PLEKHH1: variants seen among roughly 807,000 people sequenced by gnomAD.
PLEKHH1 encodes pleckstrin homology, MyTH4 and FERM domain containing H1.
PLEKHH1 carries 104 observed loss-of-function variants against 160.0 expected under a neutral mutation model. The observed-to-expected ratio is 0.65, with a 90% CI of 0.55 to 0.76. The LOEUF is 0.76. Ranked by LOEUF, PLEKHH1 falls within the 30% of genes least tolerant of loss-of-function variation. The pLI is 0.00. For synonymous variants in PLEKHH1, 619 were observed against 678.4 expected (o/e 0.91, Z 1.36); for missense variants, 1,427 against 1,724.1 (o/e 0.83, Z 3.05).
intron 3 of PLEKHH1, 81 bp from the exon 4 acceptor site, chr14:67,557,188 G>T: frequency 8.5e-7 from 1 of 1,171,216 alleles, no homozygotes; most frequent in Non-Finnish European, 1.2e-6. Flanking sequence ...GGCATCAGAC[G>T]GTGTCCCATC....
intron 1 of PLEKHH1, among the ~76,000 whole-genome samples, chr14:67,537,746 T>C (rs1305109389): frequency 6.6e-6 from 1 of 152,128 alleles, no homozygotes; most frequent in East Asian, 1.9e-4. Flanking sequence ...AGATCCCAGG[T>C]CAAATTTGTG....
chr14:67,567,065 C>T (rs1390610749), intron 7 of PLEKHH1, among the ~76,000 whole-genome samples: 1 of 152,088 alleles, frequency 6.6e-6, no homozygotes, highest in Non-Finnish European at 1.5e-5. Flanking sequence ...GTTTGCAATC[C>T]CCTTTGTAAC....
intron 28 of PLEKHH1, 114 bp from the exon 29 acceptor site, chr14:67,586,960 T>A (rs1184004920): frequency 6.5e-7 from 1 of 1,542,240 alleles, no homozygotes; most frequent in Non-Finnish European, 8.7e-7. Context: ...GTGGGTATTT[T>A]AAGAGATTAA....
intron 4 of PLEKHH1, 106 bp downstream of exon 4, chr14:67,557,524 C>T (rs934600071): frequency 9.0e-6 from 9 of 994,816 alleles, no homozygotes; most frequent in African/African-American, 4.8e-5. Flanking sequence ...CTGGGGAACT[C>T]GCTCCCTCCT....
At position 67,578,434 on chromosome 14, in the gene PLEKHH1, G is replaced by C; in HGVS notation, c.2752-100G>C. The C allele has an allele frequency of 1.1e-6, 1 of 943,662 alleles. No individual in the cohort carries two copies. The highest frequency in any genetic ancestry group is 1.7e-6 in the Non-Finnish European group (1 of 601,720). 58.5% of individuals were successfully genotyped at this position (943,662 alleles called of 1,614,324 possible). The stretch of plus-strand genomic sequence containing the variant: ...CACCCAGAGCAAGTTGGGGGCTCTG[G>C]TTTGGGGAAAGAGTGCTGAAGGCTC... On this transcript the variant is annotated intron_variant, in intron 19 of 28. Coordinates refer to ENST00000329153, the MANE Select transcript of PLEKHH1 (RefSeq NM_020715.3). The surrounding 1 kb of genome is among the most constrained non-coding windows in gnomAD (Gnocchi z 5.0).
rs770259945 is a variant in PLEKHH1 at position 67,582,112 on chromosome 14, C to T, written c.3328C>T (p.Arg1110Trp). The part of the protein sequence containing the change: ...SQVKGETDRE[R>W]LLLASQTSRE... ...AGTCAAAGGGGAGACGGACCGAGAA[C>T]GGCTGCTCCTTGCCTCTCAAACCAG... The change falls in exon 24 of 29, where the codon CGG becomes TGG. Residue 1110 changes from arginine (R) to tryptophan (W), a missense_variant. Transcript: ENST00000329153. The surrounding 1 kb of genome is among the most constrained non-coding windows in gnomAD (Gnocchi z 5.0). The T allele has an allele frequency of 1.8e-5, 29 of 1,613,046 alleles. No homozygotes were observed. The Admixed American group carries it at 1.8e-4, about 10-fold the overall frequency.
chr14:67,560,538 C>T (rs1236481098), intron 5 of PLEKHH1, among the ~76,000 whole-genome samples: 1 of 152,134 alleles, frequency 6.6e-6, no homozygotes, highest in Admixed American at 6.6e-5. Flanking sequence ...TCTCTCTTCC[C>T]CCATCGCCTG....
chr14:67,566,994 C>A (rs954394555), intron 7 of PLEKHH1, among the ~76,000 whole-genome samples: 1 of 152,126 alleles, frequency 6.6e-6, no homozygotes, highest in Admixed American at 6.5e-5. Context: ...AACCTCCCTG[C>A]CCCCAGCTAG....
intron 2 of PLEKHH1, among the ~76,000 whole-genome samples, chr14:67,549,342 C>T (rs553478421): frequency 7.7e-4 from 117 of 151,786 alleles, no homozygotes; most frequent in African/African-American, 2.8e-3. Context: ...GTGATCTCAG[C>T]TCACTGCAAC....
intron 2 of PLEKHH1, among the ~76,000 whole-genome samples, chr14:67,549,781 G>A (rs1466327785): frequency 1.3e-5 from 2 of 152,216 alleles, no homozygotes; most frequent in Admixed American, 1.3e-4. Context: ...TTACAGTGTG[G>A]TCTGTGGACC....
chr14:67,555,900 G>C lies in PLEKHH1; in HGVS notation c.189+13G>C. ...CGCTGAGACCCAGGTAACCAGGGGAGGGGATCGGCGGGAATATGCAGGGGA... is the reference window on the plus strand; with the variant it reads ...CGCTGAGACCCAGGTAACCAGGGGACGGGATCGGCGGGAATATGCAGGGGA... On this transcript the variant is annotated intron_variant, in intron 3 of 28. Coordinates refer to ENST00000329153, the MANE Select transcript of PLEKHH1 (RefSeq NM_020715.3). 6.2e-7 allele frequency: 1 copy of C among 1,612,060 alleles called. No homozygotes were observed. The highest frequency in any genetic ancestry group is 8.5e-7 in the Non-Finnish European group (1 of 1,179,102).
Position 67,589,439 on chromosome 14 carries a change from A to T in PLEKHH1, c.*2204A>T. The T allele has an allele frequency of 3.0e-6, 3 of 985,440 alleles. No individual in the cohort carries two copies. Among genetic ancestry groups the T allele is most frequent in the Non-Finnish European group, 3.6e-6 (3 of 829,914 alleles). The allele number at this position is 985,440 out of a possible 1,614,324, so 61.0% of individuals were successfully genotyped here. A position where few individuals can be genotyped will look rare whatever the true frequency, so the allele number is the denominator to read the frequency against. On this transcript the variant is annotated 3_prime_UTR_variant, in exon 29 of 29. Transcript: ENST00000329153. ...TAGCTTTTGAACTGATATAAAAAAA[A>T]ATGCTGAGTAACAGAAAAGTATTAA... is the stretch of plus-strand genomic sequence containing the variant.
intron 5 of PLEKHH1, among the ~76,000 whole-genome samples, chr14:67,560,727 C>CT (rs11433194): frequency 0.37 from 46,679 of 126,238 alleles, 9,368 homozygotes; most frequent in Non-Finnish European, 0.4. Context: ...GAACATATAT[C>CT]TTTTTTTTTT....
chr14:67,579,134 A>C lies in PLEKHH1; in HGVS notation c.2850A>C (p.Arg950Ser). 1 of 1,600,456 alleles carries C rather than the reference A, an allele frequency of 6.2e-7. No homozygotes were observed. The highest frequency in any genetic ancestry group is 8.5e-7 in the Non-Finnish European group (1 of 1,173,862). Residue 950 changes from arginine to serine, a missense_variant and splice_region_variant, in exon 21 of 29, where the codon AGA (arginine) becomes AGC (serine). Arg to Ser is a moderately radical substitution (Grantham distance 110). This residue lies in a region of PLEKHH1 where 436 missense variants were observed against 607.5 expected (regional missense o/e 0.72). Transcript: ENST00000329153. Reference sequence around the variant, plus strand: ...ATACTCCCCTCTTCCGTCTTTTTAGAAGTGAAACTGGCCAGTATGCCACCT... The same window carrying C: ...ATACTCCCCTCTTCCGTCTTTTTAGCAGTGAAACTGGCCAGTATGCCACCT... Reference protein sequence around the residue: ...KQQLQRHADPRSETGQYATYC... With the variant: ...KQQLQRHADPSSETGQYATYC...
chr14:67,570,253 G>A (rs969360576), intron 9 of PLEKHH1: 12 of 789,800 alleles, frequency 1.5e-5, no homozygotes, highest in Non-Finnish European at 1.8e-5. Flanking sequence ...GCCTATGCCC[G>A]CTTTACAGCT....
At chr14:67,552,584 G>A (rs2034436240) in intron 2 of PLEKHH1, among the ~76,000 whole-genome samples, 2 of 152,066 alleles carry the variant, frequency 1.3e-5, no homozygotes, top group Admixed American at 6.6e-5. Flanking sequence ...TGGCTAACAC[G>A]GTGAAACCCC....
intron 2 of PLEKHH1, among the ~76,000 whole-genome samples, chr14:67,546,951 A>G (rs529402749): frequency 6.6e-6 from 1 of 152,248 alleles, no homozygotes; most frequent in East Asian, 1.9e-4. Flanking sequence ...TGTCTACCCT[A>G]TTCCTCAGGG....
chr14:67,579,101 A>G (rs2035765669), intron 20 of PLEKHH1, 33 bp from the exon 21 acceptor site: 18 of 1,470,144 alleles, frequency 1.2e-5, no homozygotes, highest in Non-Finnish European at 1.7e-5. Flanking sequence ...AGATGAGCAG[A>G]GCCCATAATA....
chr14:67,573,801 A>T lies in PLEKHH1; in HGVS notation c.1840A>T (p.Ser614Cys). 1.2e-6 allele frequency: 2 copies of T among 1,605,912 alleles called. No homozygotes were observed. The highest frequency in any genetic ancestry group is 1.7e-6 in the Non-Finnish European group (2 of 1,172,564). The part of the protein sequence containing the change: ...QGQIMYYKSP[S>C]DVIRKPQGQV... The stretch of plus-strand genomic sequence containing the variant: ...CTCCTCTCCAATACTTTCTTTACAG[A>T]GTGATGTCATCCGGAAACCTCAAGG... The change falls in exon 13 of 29, where the codon AGT becomes TGT. Residue 614 changes from serine to cysteine, a missense_variant and splice_region_variant. Around this residue, in one of 6 missense-constraint regions of PLEKHH1, gnomAD observed 831 missense variants for 929.2 expected, o/e 0.89. Transcript: ENST00000329153. This position sits in a 1 kb window ranked among gnomAD's most constrained non-coding sequence, Gnocchi z 4.8.
Sources: gnomAD v4.1 joint callset for allele counts (sites outside exome capture counted in the v4.1 genomes callset) on GRCh38, gnomAD v4.1.1 for gene constraint, gnomAD v4.1.1 regional missense constraint, Gnocchi (gnomAD v3.1) non-coding constraint, MANE v1.5 for transcripts, NCBI Gene and HGNC (gene_info 2026-07-23, HGNC 2026-07-21) for gene names.